EHD4: variants seen among roughly 807,000 people sequenced by gnomAD.
EHD4 encodes the protein EH domain containing 4.
Under a neutral mutation model 51.0 loss-of-function variants are expected in EHD4, and 37 were observed. That is an observed-to-expected ratio of 0.73 (90% CI 0.56 to 0.95). The LOEUF is 0.95. EHD4 is among the 40% of genes least tolerant of loss of function. The probability of loss-of-function intolerance (pLI) is 0.00; values close to 1 mark genes in which losing one functional copy is unlikely to be tolerated. For synonymous variants in EHD4, 297 were observed against 317.3 expected, an observed-to-expected ratio of 0.94 and a Z score of 0.68; for missense variants, 632 against 733.1, an observed-to-expected ratio of 0.86 and a Z score of 1.59.
rs888796825 is a variant in EHD4 at position 41,899,288 on chromosome 15, G to A, written c.*1357C>T. ...CCTCCCCAAGCTGGTGCCCACAGAG[G>A]GGGAGGCACCTCCACCTGACGCAGG... On this transcript the variant is annotated 3_prime_UTR_variant, in exon 6 of 6. Transcript: ENST00000220325. 1 of 152,180 alleles carries A rather than the reference G, an allele frequency of 6.6e-6. No homozygotes were observed. The highest frequency in any genetic ancestry group is 1.5e-5 in the Non-Finnish European group (1 of 68,028). 9.4% of individuals were successfully genotyped at this position (152,180 alleles called of 1,614,324 possible).
chr15:41,947,056 CTG>C (rs890707063), intron 2 of EHD4, among the ~76,000 whole-genome samples: 1 of 152,190 alleles, frequency 6.6e-6, no homozygotes, highest in African/African-American at 2.4e-5. Context: ...GAGGAGGAGA[CTG>C]GGCACAGAGC....
intron 5 of EHD4, among the ~76,000 whole-genome samples, chr15:41,903,854 C>T (rs1364215218): frequency 6.6e-6 from 1 of 152,134 alleles, no homozygotes; most frequent in Non-Finnish European, 1.5e-5. Context: ...CCATGCAAAC[C>T]CAGCGTGTGG....
chr15:41,910,917 C>T (rs1462079094), intron 4 of EHD4, among the ~76,000 whole-genome samples: 1 of 151,948 alleles, frequency 6.6e-6, no homozygotes, highest in African/African-American at 2.4e-5. Flanking sequence ...AAGTAAGTAA[C>T]TAAAATAAGA....
At chr15:41,909,672 C>T (rs1201338920) in intron 5 of EHD4, 27 bp downstream of exon 5, 11 of 1,612,948 alleles carry the variant, frequency 6.8e-6, no homozygotes, top group Admixed American at 3.3e-5. Flanking sequence ...GCCCTCTGCC[C>T]GTGACATTGT....
At chr15:41,905,285 A>G (rs1704386) in intron 5 of EHD4, among the ~76,000 whole-genome samples, 75,381 of 152,068 alleles carry the variant, frequency 0.5, 19,635 homozygotes, top group African/African-American at 0.62. Context: ...GAATGGGGTG[A>G]TGTGACTGGG....
chr15:41,923,980 T>G (rs1018564897), intron 3 of EHD4, among the ~76,000 whole-genome samples: 1 of 152,240 alleles, frequency 6.6e-6, no homozygotes, highest in Non-Finnish European at 1.5e-5. Context: ...TGGGCCAACT[T>G]TGATTAAGTT....
At chr15:41,970,777 CCTTT>C (rs1159483467) in intron 1 of EHD4, among the ~76,000 whole-genome samples, 1 of 152,174 alleles carries the variant, frequency 6.6e-6, no homozygotes, top group East Asian at 1.9e-4. Context: ...AAAATATATG[CCTTT>C]CTTCTTTGTA....
At chr15:41,963,997 T>A (rs754241610) in intron 1 of EHD4, among the ~76,000 whole-genome samples, 2 of 151,762 alleles carry the variant, frequency 1.3e-5, no homozygotes, top group Non-Finnish European at 2.9e-5. Flanking sequence ...TGCAAAAAAT[T>A]AGCCGGGAGT....
At chr15:41,904,036 A>G (rs900447976) in intron 5 of EHD4, among the ~76,000 whole-genome samples, 2 of 152,160 alleles carry the variant, frequency 1.3e-5, no homozygotes, top group African/African-American at 4.8e-5. Context: ...CAGGTGGAGG[A>G]GCAGGCGTCC....
At chr15:41,949,016 C>CTATATATATATATATATATATATATATA (rs3035677) in intron 2 of EHD4, among the ~76,000 whole-genome samples, 9 of 92,468 alleles carry the variant, frequency 9.7e-5, no homozygotes, top group South Asian at 6.0e-4. Flanking sequence ...CAGAGTGAGA[C>CTATATATATATATATATATATATATATA]TATATATATA....
At chr15:41,955,269 C>T (rs1050741144) in intron 1 of EHD4, among the ~76,000 whole-genome samples, 1 of 142,600 alleles carries the variant, frequency 7.0e-6, no homozygotes, top group African/African-American at 3.1e-5. Context: ...AAAACTGGGG[C>T]ATCAGAGAGG....
chr15:41,963,115 A>T, intron 1 of EHD4, among the ~76,000 whole-genome samples: 1 of 152,240 alleles, frequency 6.6e-6, no homozygotes, highest in Non-Finnish European at 1.5e-5. Context: ...AAGAGTCATC[A>T]CCACTCCCTA....
chr15:41,971,173 G>A (rs758228794), intron 1 of EHD4, among the ~76,000 whole-genome samples: 1 of 152,164 alleles, frequency 6.6e-6, no homozygotes, highest in Non-Finnish European at 1.5e-5. Flanking sequence ...AACTATTTAG[G>A]TCACTGGAGT....
At chr15:41,956,440 C>T (rs538756784) in intron 1 of EHD4, among the ~76,000 whole-genome samples, 4 of 152,312 alleles carry the variant, frequency 2.6e-5, no homozygotes, top group African/African-American at 9.6e-5. Flanking sequence ...ACATCACTGT[C>T]GAGGAGTGCC....
chr15:41,923,153 C>A (rs895931398), intron 3 of EHD4, among the ~76,000 whole-genome samples: 14 of 152,166 alleles, frequency 9.2e-5, no homozygotes, highest in African/African-American at 3.4e-4. Flanking sequence ...AGCACTAATT[C>A]TCCCCTCCTC....
chr15:41,913,007 A>T lies in EHD4; in HGVS notation c.925-3144T>A, dbSNP rs147935814. Among the ~76,000 whole-genome samples, 167 of 152,330 alleles carry T rather than the reference A, an allele frequency of 1.1e-3. 1 individual carries two copies. The highest frequency in any genetic ancestry group is 3.4e-3 in the Middle Eastern group (1 of 294). ...ACTGTGTCCCATAGAATGAGTCTGGAAAACTTTGATCTGAGGTTTGACTTC... is the reference window on the plus strand; with the variant it reads ...ACTGTGTCCCATAGAATGAGTCTGGTAAACTTTGATCTGAGGTTTGACTTC... On this transcript the variant is annotated intron_variant, in intron 4 of 5. Coordinates refer to ENST00000220325, the MANE Select transcript of EHD4 (RefSeq NM_139265.4).
Position 41,901,115 on chromosome 15 carries a change from C to A in EHD4, c.1156G>T (p.Asp386Tyr). 6.2e-7 allele frequency: 1 copy of A among 1,604,162 alleles called. No individual in the cohort carries two copies. Among genetic ancestry groups the A allele is most frequent in the Admixed American group, 1.7e-5 (1 of 58,000 alleles). The change falls in exon 6 of 6, where the codon GAC (aspartate) becomes TAC (tyrosine). Residue 386 changes from aspartate to tyrosine, a missense_variant. Coordinates refer to ENST00000220325, the MANE Select transcript of EHD4 (RefSeq NM_139265.4). ...SLKPKLIEAV[D>Y]NMLSNKISPL... is the part of the protein sequence containing the mutation. The stretch of plus-strand genomic sequence containing the variant: ...GAGATCTTGTTGCTCAGCATGTTGT[C>A]CACTGCCTCGATCAGCTTGGGCTTC...
In EHD4 at chr15:41,896,820, C is replaced by T. The variant is rs1445973838; in HGVS notation, c.*3825G>A. ...CACAGACCTGGCCTCTGCTGCCTAC[C>T]CTCTTCTGTCCCCACCTGATGGGGC... is the stretch of plus-strand genomic sequence containing the variant. On this transcript the variant is annotated 3_prime_UTR_variant, in exon 6 of 6. Coordinates refer to ENST00000220325, the MANE Select transcript of EHD4 (RefSeq NM_139265.4). 1 of 152,246 alleles carries T rather than the reference C, an allele frequency of 6.6e-6. No individual in the cohort carries two copies. The highest frequency in any genetic ancestry group is 6.5e-5 in the Admixed American group (1 of 15,274). The allele number at this position is 152,246 out of a possible 1,614,324, so 9.4% of individuals were successfully genotyped here.
intron 4 of EHD4, among the ~76,000 whole-genome samples, chr15:41,912,577 C>T (rs956266908): frequency 6.6e-6 from 1 of 152,118 alleles, no homozygotes; most frequent in South Asian, 2.1e-4. Flanking sequence ...CTCCTATAGT[C>T]TCAGCTACTC....
Sources: gnomAD v4.1 joint callset for allele counts (sites outside exome capture counted in the v4.1 genomes callset) on GRCh38, gnomAD v4.1.1 for gene constraint, MANE v1.5 for transcripts, NCBI Gene and HGNC (gene_info 2026-07-23, HGNC 2026-07-21) for gene names.